Variants in RFX3 observed in about 807,000 individuals in gnomAD.
RFX3 encodes the protein regulatory factor X3, also known as transcription factor RFX3.
In RFX3, 14 loss-of-function variants were observed where a neutral mutation model predicts 98.6. The observed-to-expected ratio is 0.14, with a 90% CI of 0.09 to 0.22. The LOEUF (loss-of-function observed/expected upper bound fraction) is 0.22, where lower values mean the gene tolerates loss of function less well. RFX3 is among the 10% of genes least tolerant of loss of function. The pLI, the probability that RFX3 is intolerant of heterozygous loss-of-function variation, is 1.00. For synonymous variants in RFX3, 383 were observed against 328.4 expected (o/e 1.17, Z -1.80); for missense variants, 639 against 926.9 (o/e 0.69, Z 4.03).
chr9:3,432,438 T>C (rs1844737506), intron 1 of RFX3, among the ~76,000 whole-genome samples: 2 of 152,190 alleles, frequency 1.3e-5, no homozygotes, highest in Admixed American at 6.5e-5. Flanking sequence ...GAAGAGACCA[T>C]GGTTGTTACA....
intron 1 of RFX3, among the ~76,000 whole-genome samples, chr9:3,467,089 C>T (rs953790046): frequency 7.4e-6 from 1 of 135,010 alleles, no homozygotes. Flanking sequence ...TATATACATA[C>T]ATATATGTAA....
chr9:3,454,044 G>C (rs1185715295), intron 1 of RFX3, among the ~76,000 whole-genome samples: 2 of 152,004 alleles, frequency 1.3e-5, no homozygotes, highest in Non-Finnish European at 2.9e-5. Context: ...TGTTTAAATG[G>C]ATATTTGAGT....
intron 1 of RFX3, among the ~76,000 whole-genome samples, chr9:3,397,389 TTTTTAAC>T (rs1474233892): frequency 6.6e-6 from 1 of 152,242 alleles, no homozygotes; most frequent in East Asian, 1.9e-4. Context: ...TGAACATTAA[TTTTTAAC>T]TAAGAAATTT....
At chr9:3,257,269 C>A in intron 13 of RFX3, 70 bp from the exon 14 acceptor site, 1 of 1,254,986 alleles carries the variant, frequency 8.0e-7, no homozygotes, top group Non-Finnish European at 1.1e-6. Flanking sequence ...CCAGCACACA[C>A]ACTAGATGCA....
chr9:3,402,920 A>C (rs922618690), intron 1 of RFX3, among the ~76,000 whole-genome samples: 11 of 152,008 alleles, frequency 7.2e-5, no homozygotes, highest in Admixed American at 7.2e-4. Flanking sequence ...TAACAACAAC[A>C]AAAAAACACC....
chr9:3,476,444 A>G (rs1337152527), intron 1 of RFX3, among the ~76,000 whole-genome samples: 1 of 152,128 alleles, frequency 6.6e-6, no homozygotes, highest in African/African-American at 2.4e-5. Flanking sequence ...AAAGTTTAGT[A>G]TTTATGGACT....
chr9:3,441,202 T>C (rs1467488950), intron 1 of RFX3, among the ~76,000 whole-genome samples: 1 of 152,082 alleles, frequency 6.6e-6, no homozygotes, highest in African/African-American at 2.4e-5. Flanking sequence ...ACATTAATGA[T>C]AATAAACCGC....
At chr9:3,485,033 G>C (rs1348497019) in intron 1 of RFX3, among the ~76,000 whole-genome samples, 1 of 151,952 alleles carries the variant, frequency 6.6e-6, no homozygotes, top group Non-Finnish European at 1.5e-5. Flanking sequence ...GACTGCTGGA[G>C]CCAGGGAGTT....
At chr9:3,277,139 G>C (rs1398470116) in intron 8 of RFX3, among the ~76,000 whole-genome samples, 2 of 151,934 alleles carry the variant, frequency 1.3e-5, no homozygotes, top group Admixed American at 6.6e-5. Context: ...GTCCTATATA[G>C]CTCGAGATTT....
intron 4 of RFX3, among the ~76,000 whole-genome samples, chr9:3,327,038 A>G (rs1430548097): frequency 1.3e-5 from 2 of 152,176 alleles, no homozygotes; most frequent in Non-Finnish European, 2.9e-5. Flanking sequence ...AACTGAACTT[A>G]TATGGTACAG....
chr9:3,243,069 A>C (rs1820172018), intron 15 of RFX3, among the ~76,000 whole-genome samples: 1 of 151,980 alleles, frequency 6.6e-6, no homozygotes, highest in African/African-American at 2.4e-5. Context: ...AAAGATTCTA[A>C]ACAGCCATAA....
chr9:3,438,625 C>T (rs952038738), intron 1 of RFX3, among the ~76,000 whole-genome samples: 2 of 151,606 alleles, frequency 1.3e-5, no homozygotes, highest in African/African-American at 4.9e-5. Context: ...GACACAACAA[C>T]ATGCTGCCTG....
intron 4 of RFX3, among the ~76,000 whole-genome samples, chr9:3,319,520 A>G (rs143817290): frequency 6.6e-6 from 1 of 152,270 alleles, no homozygotes; most frequent in Admixed American, 6.5e-5. Flanking sequence ...CTCTCTTGCT[A>G]TCCAATCCTG....
rs868364393 is a variant in RFX3, at chr9:3,329,423, A to C, written c.474+836T>G. Among the ~76,000 whole-genome samples, 217 of 150,204 alleles carry C rather than the reference A, an allele frequency of 1.4e-3. 2 individuals are homozygous for C. The highest frequency in any genetic ancestry group is 3.4e-3 in the Middle Eastern group (1 of 292). On this transcript the variant is annotated intron_variant, in intron 4 of 16. Coordinates refer to ENST00000617270, the MANE Select transcript of RFX3 (RefSeq NM_001282116.2). ...ACTTCATCTCAAAAAAAAAAAAAAA[A>C]AAAAACAAAAAACCACCAAACAATA...
chr9:3,261,706 T>G (rs1047945946), intron 13 of RFX3, among the ~76,000 whole-genome samples: 1 of 152,146 alleles, frequency 6.6e-6, no homozygotes, highest in Non-Finnish European at 1.5e-5. Context: ...ATGTTTATCT[T>G]TTTGACAAAC....
chr9:3,357,164 T>C (rs1835877010), intron 2 of RFX3, among the ~76,000 whole-genome samples: 1 of 152,054 alleles, frequency 6.6e-6, no homozygotes, highest in Non-Finnish European at 1.5e-5. Flanking sequence ...ATCCCAATCA[T>C]ATTTTAGATA....
chr9:3,229,165 C>T (rs1435109164), intron 15 of RFX3, among the ~76,000 whole-genome samples: 2 of 152,132 alleles, frequency 1.3e-5, no homozygotes, highest in Non-Finnish European at 2.9e-5. Context: ...ATTATTTCAA[C>T]TCAGCAATGA....
chr9:3,341,151 G>A (rs1156615852), intron 3 of RFX3, among the ~76,000 whole-genome samples: 1 of 151,964 alleles, frequency 6.6e-6, no homozygotes, highest in African/African-American at 2.4e-5. Flanking sequence ...AACTATCGCA[G>A]GGACAAAAAA....
At chr9:3,473,431 C>T (rs1848955020) in intron 1 of RFX3, among the ~76,000 whole-genome samples, 1 of 152,128 alleles carries the variant, frequency 6.6e-6, no homozygotes, top group African/African-American at 2.4e-5. Context: ...TACCTACAGA[C>T]TAACAAAAGT....
Sources: gnomAD v4.1 joint callset for allele counts (sites outside exome capture counted in the v4.1 genomes callset) on GRCh38, gnomAD v4.1.1 for gene constraint, MANE v1.5 for transcripts, NCBI Gene and HGNC (gene_info 2026-07-23, HGNC 2026-07-21) for gene names.